Variants in QRSL1 observed in about 807,000 individuals in gnomAD.
The protein encoded by QRSL1 is glutamyl-tRNA(Gln) amidotransferase subunit A, mitochondrial.
In QRSL1, 54 loss-of-function variants were observed where a neutral mutation model predicts 61.6. The ratio of observed to expected loss-of-function variants is 0.88; its 90% CI spans 0.70 to 1.10. The LOEUF is 1.10. QRSL1 is among the 50% of genes least tolerant of loss of function. The probability of loss-of-function intolerance (pLI) is 0.00; values close to 1 mark genes in which losing one functional copy is unlikely to be tolerated. For missense variants in QRSL1, 505 were observed against 622.6 expected, an observed-to-expected ratio of 0.81 and a Z score of 2.01; for synonymous variants, 228 against 225.7, an observed-to-expected ratio of 1.01 and a Z score of -0.09.
At chr6:106,644,216 G>T (rs1176174978) in intron 4 of QRSL1, among the ~76,000 whole-genome samples, 1 of 152,124 alleles carries the variant, frequency 6.6e-6, no homozygotes, top group African/African-American at 2.4e-5. Context: ...CATATAGACA[G>T]GGTCTCACTG....
rs1777437700 is a variant in QRSL1 at position 106,666,550 on chromosome 6, A to G, written c.*548A>G. On this transcript the variant is annotated 3_prime_UTR_variant, in exon 11 of 11. Coordinates refer to ENST00000369046, the MANE Select transcript of QRSL1 (RefSeq NM_018292.5). ...ACAAGATACCTGTTCCTCAAAGACA[A>G]TGCATTCTGCCATAATGTTCATTAA... 1 of 157,708 alleles carries G rather than the reference A, an allele frequency of 6.3e-6. No individual in the cohort carries two copies. Among genetic ancestry groups the G allele is most frequent in the African/African-American group, 2.4e-5 (1 of 41,468 alleles). 9.8% of individuals were successfully genotyped at this position (157,708 alleles called of 1,614,324 possible).
At position 106,640,509 on chromosome 6, in the gene QRSL1, G is replaced by C. The variant is rs770307674; in HGVS notation, c.184+1G>C. ...GAATCAGAAAAGAGATATAAGAATG[G>C]TAAATTGCTTTTAACTATACTTAAT... On this transcript the variant is annotated splice_donor_variant, in intron 2 of 10. Coordinates refer to ENST00000369046, the MANE Select transcript of QRSL1 (RefSeq NM_018292.5). LOFTEE classifies it high-confidence loss of function. 1.7e-5 allele frequency: 26 copies of C among 1,558,024 alleles called. No individual in the cohort carries two copies. Among genetic ancestry groups the C allele is most frequent in the African/African-American group, 2.8e-5 (2 of 72,238 alleles).
intron 10 of QRSL1, among the ~76,000 whole-genome samples, chr6:106,663,447 C>T (rs1367736004): frequency 6.6e-6 from 1 of 152,134 alleles, no homozygotes; most frequent in Non-Finnish European, 1.5e-5. Context: ...GAGCAGCTTC[C>T]ACTTCTGCGA....
intron 3 of QRSL1, among the ~76,000 whole-genome samples, chr6:106,642,051 TTTTG>T (rs571952071): frequency 2.4e-4 from 36 of 152,148 alleles, no homozygotes; most frequent in Non-Finnish European, 4.3e-4. Context: ...ATTTTTTGTT[TTTTG>T]TTTGTTTGTT....
intron 9 of QRSL1, 101 bp from the exon 10 acceptor site, chr6:106,662,879 A>G: frequency 9.3e-7 from 1 of 1,069,754 alleles, no homozygotes; most frequent in Non-Finnish European, 1.4e-6. Flanking sequence ...TCAGCCAGAA[A>G]ATGGAAATCC....
intron 4 of QRSL1, among the ~76,000 whole-genome samples, chr6:106,644,290 T>C (rs1398970520): frequency 2.0e-5 from 3 of 152,160 alleles, no homozygotes; most frequent in African/African-American, 7.2e-5. Context: ...TCCAGCAAAG[T>C]GTTGGGAGGC....
chr6:106,640,454 T>A lies in QRSL1; in HGVS notation c.130T>A (p.Ser44Thr), dbSNP rs1777000331. ...GTTTCTAAATGCCTACATTACTGTG[T>A]CAGAAGAGGTGGCCTTAAAACAAGC... Reference protein sequence around the residue: ...TKFLNAYITVSEEVALKQAEE... With the variant: ...TKFLNAYITVTEEVALKQAEE... The change falls in exon 2 of 11, where the codon TCA becomes ACA. Residue 44 changes from serine (S) to threonine (T), a missense_variant. Coordinates refer to ENST00000369046, the MANE Select transcript of QRSL1 (RefSeq NM_018292.5). 2 of 1,603,960 alleles carry A rather than the reference T, an allele frequency of 1.2e-6. No individual in the cohort carries two copies. Among genetic ancestry groups the A allele is most frequent in the Non-Finnish European group, 1.7e-6 (2 of 1,177,014 alleles).
Position 106,636,424 on chromosome 6 carries a change from G to A in QRSL1, c.25-3925G>A, listed in dbSNP as rs552304670. ...CAACATCTGCCTCCCGGGTTCAAGC[G>A]ATTCTCCTGCCTTAGCCTCCCAAGT... On this transcript the variant is annotated intron_variant, in intron 1 of 10. Coordinates refer to ENST00000369046, the MANE Select transcript of QRSL1 (RefSeq NM_018292.5). Among the ~76,000 whole-genome samples, 15 of 151,416 alleles carry A rather than the reference G, an allele frequency of 9.9e-5. No individual in the cohort carries two copies. The South Asian group carries it at 2.9e-3, about 29-fold the overall frequency.
At chr6:106,665,721 A>C in intron 10 of QRSL1, 61 bp from the exon 11 acceptor site, 3 of 1,405,024 alleles carry the variant, frequency 2.1e-6, no homozygotes, top group Non-Finnish European at 3.0e-6. Context: ...GGAAAGTGGA[A>C]GAGGTCTCTG....
In QRSL1 at chr6:106,663,098, G is replaced by A; in HGVS notation, c.1279G>A (p.Ala427Thr). The A allele has an allele frequency of 6.2e-7, 1 of 1,614,058 alleles. No homozygotes were observed. The highest frequency in any genetic ancestry group is 1.3e-5 in the African/African-American group (1 of 75,030). ...VLLTPTTLSE[A>T]VPYLEFIKED... is the part of the protein sequence containing the mutation. ...GCTAACTCCCACCACCTTGAGTGAGGCAGTACCATACTTGGAGTTCATCAA... is the reference window on the plus strand; with the variant it reads ...GCTAACTCCCACCACCTTGAGTGAGACAGTACCATACTTGGAGTTCATCAA... The change falls in exon 10 of 11, where the codon GCA becomes ACA. Residue 427 changes from alanine to threonine, a missense_variant. Ala to Thr is a moderately conservative substitution (Grantham distance 58). Transcript: ENST00000369046.
At chr6:106,644,479 C>T (rs897529900) in intron 4 of QRSL1, among the ~76,000 whole-genome samples, 1 of 151,836 alleles carries the variant, frequency 6.6e-6, no homozygotes, top group Non-Finnish European at 1.5e-5. Flanking sequence ...TTTTATGATT[C>T]ATGTGTCCTA....
intron 1 of QRSL1, among the ~76,000 whole-genome samples, chr6:106,634,674 G>A (rs1370991315): frequency 5.9e-5 from 9 of 152,038 alleles, no homozygotes; most frequent in Non-Finnish European, 7.4e-5. Context: ...GCTGAGGTGG[G>A]AGGATCACTT....
chr6:106,647,619 TC>T (rs1196999688), intron 4 of QRSL1, among the ~76,000 whole-genome samples: 4 of 146,364 alleles, frequency 2.7e-5, no homozygotes, highest in Non-Finnish European at 6.0e-5. Flanking sequence ...CTAGATTTGA[TC>T]CAGGAAGGAG....
chr6:106,652,292 T>TC lies in QRSL1; in HGVS notation c.641_642insC (p.Leu214PhefsTer26), dbSNP rs1487068406. ...GTTGGTTTCAAACCAAGCTATGGCTTAGTTTCCCGTCATGGTCTCATTCCC... is the reference window on the plus strand; with the variant it reads ...GTTGGTTTCAAACCAAGCTATGGCTTCAGTTTCCCGTCATGGTCTCATTCCC... On this transcript the variant is annotated frameshift_variant, in exon 6 of 11. Coordinates refer to ENST00000369046, the MANE Select transcript of QRSL1 (RefSeq NM_018292.5). LOFTEE classifies it high-confidence loss of function. 4 of 1,614,120 alleles carry TC rather than the reference T, an allele frequency of 2.5e-6. No individual in the cohort carries two copies. In the African/African-American group the frequency reaches 5.3e-5, roughly 22 times the overall value.
chr6:106,646,888 C>T (rs190262801), intron 4 of QRSL1, among the ~76,000 whole-genome samples: 108 of 151,764 alleles, frequency 7.1e-4, no homozygotes, highest in African/African-American at 2.5e-3. Context: ...ATTAGCCGGG[C>T]GTGGTGGCGA....
At chr6:106,650,504 G>GT (rs1777174803) in intron 5 of QRSL1, among the ~76,000 whole-genome samples, 1 of 152,078 alleles carries the variant, frequency 6.6e-6, no homozygotes, top group African/African-American at 2.4e-5. Context: ...AAACTGTAAA[G>GT]TGTTCTGCTT....
At chr6:106,635,380 T>C (rs1776903618) in intron 1 of QRSL1, among the ~76,000 whole-genome samples, 1 of 152,120 alleles carries the variant, frequency 6.6e-6, no homozygotes, top group Non-Finnish European at 1.5e-5. Context: ...AGGAGTACTA[T>C]AAAATGAGGG....
At chr6:106,656,633 G>A (rs1423163639) in intron 9 of QRSL1, among the ~76,000 whole-genome samples, 2 of 152,182 alleles carry the variant, frequency 1.3e-5, no homozygotes, top group South Asian at 2.1e-4. Flanking sequence ...ATTCATCTGC[G>A]TATCCTCTCA....
At position 106,639,116 on chromosome 6, in the gene QRSL1, G is replaced by GTTTTTTTTTTTTTTTTTTTTTTTTTT. The variant is rs1554200732; in HGVS notation, c.25-1231_25-1230insTTTTTTTTTTTTTTTTTTTTTTTTTT. Among the ~76,000 whole-genome samples, 6 of 54,364 alleles carry GTTTTTTTTTTTTTTTTTTTTTTTTTT rather than the reference G, an allele frequency of 1.1e-4. No homozygotes were observed. The East Asian group carries it at 1.2e-3, about 11-fold the overall frequency. The allele number at this position is 54,364 out of a possible 152,430, so 35.7% of individuals were successfully genotyped here. A position where few individuals can be genotyped will look rare whatever the true frequency, so the allele number is the denominator to read the frequency against. ...ACTTGTGTGGTTATTTGTGTGTTTT[G>GTTTTTTTTTTTTTTTTTTTTTTTTTT]TTGTTTTTTTTTTTTTTTTTTTTTT... On this transcript the variant is annotated intron_variant, in intron 1 of 10. Coordinates refer to ENST00000369046, the MANE Select transcript of QRSL1 (RefSeq NM_018292.5).
Sources: allele counts gnomAD v4.1 joint callset (sites outside exome capture counted in the v4.1 genomes callset), GRCh38; gene constraint gnomAD v4.1.1; transcripts MANE v1.5; gene names NCBI Gene and HGNC (gene_info 2026-07-23, HGNC 2026-07-21).